ADARB2: variants seen among roughly 807,000 people sequenced by gnomAD.
The protein encoded by ADARB2 is adenosine deaminase RNA specific B2 (inactive), also known as inactive double-stranded RNA-specific editase B2.
ADARB2 carries 25 observed loss-of-function variants against 62.2 expected under a neutral mutation model. The observed-to-expected ratio is 0.40, with a 90% confidence interval of 0.29 to 0.56. The LOEUF (loss-of-function observed/expected upper bound fraction) is 0.56. Among genes scored for constraint, ADARB2 ranks in the 20% least tolerant of loss-of-function variants. The pLI, the probability that ADARB2 is intolerant of heterozygous loss-of-function variation, is 0.43. For missense variants in ADARB2, 1,071 were observed against 1,077.4 expected (o/e 0.99, Z 0.08); for synonymous variants, 572 against 500.8 (o/e 1.14, Z -1.90).
At chr10:1,709,772 A>G (rs1834929449) in intron 1 of ADARB2, among the ~76,000 whole-genome samples, 1 of 152,186 alleles carries the variant, frequency 6.6e-6, no homozygotes, top group Non-Finnish European at 1.5e-5. Context: ...TGGCACGTCA[A>G]CACACCCCTC....
At chr10:1,637,498 T>A (rs1052633850) in intron 1 of ADARB2, among the ~76,000 whole-genome samples, 2 of 152,222 alleles carry the variant, frequency 1.3e-5, no homozygotes, top group Non-Finnish European at 2.9e-5. Context: ...ATGATTACCC[T>A]CAATGCAGAA....
chr10:1,724,131 C>T (rs1021441666), intron 1 of ADARB2, among the ~76,000 whole-genome samples: 2 of 152,068 alleles, frequency 1.3e-5, no homozygotes, highest in African/African-American at 2.4e-5. Context: ...TAAAGAGGTG[C>T]GCAAGGTAAA....
intron 1 of ADARB2, among the ~76,000 whole-genome samples, chr10:1,430,256 T>C (rs762918630): frequency 6.6e-6 from 1 of 152,070 alleles, no homozygotes; most frequent in Non-Finnish European, 1.5e-5. Context: ...TACTAAAAAA[T>C]TGTGAATAAA....
chr10:1,217,842 C>T (rs1830646113), intron 6 of ADARB2, among the ~76,000 whole-genome samples: 2 of 152,108 alleles, frequency 1.3e-5, no homozygotes. Flanking sequence ...CAAGGGTCGC[C>T]ATGGGCAGGA....
intron 3 of ADARB2, among the ~76,000 whole-genome samples, chr10:1,345,151 G>A (rs1390062246): frequency 6.6e-6 from 1 of 152,050 alleles, no homozygotes; most frequent in East Asian, 1.9e-4. Context: ...GGGTGAGGAT[G>A]CTTCACTCTT....
intron 1 of ADARB2, among the ~76,000 whole-genome samples, chr10:1,568,268 G>A (rs1832883489): frequency 6.6e-6 from 1 of 152,170 alleles, no homozygotes; most frequent in African/African-American, 2.4e-5. Context: ...GATGGAGCTT[G>A]GGACCACGGC....
intron 1 of ADARB2, among the ~76,000 whole-genome samples, chr10:1,625,043 TTTTTC>T (rs1833749667): frequency 6.6e-6 from 1 of 152,236 alleles, no homozygotes; most frequent in South Asian, 2.1e-4. Flanking sequence ...TAGCTAAAGA[TTTTTC>T]TTTTAACTGT....
chr10:1,246,103 T>G (rs1246230705), intron 4 of ADARB2, among the ~76,000 whole-genome samples: 2 of 152,068 alleles, frequency 1.3e-5, no homozygotes, highest in Non-Finnish European at 2.9e-5. Flanking sequence ...GATGAGCATT[T>G]TTTCATGTGT....
At chr10:1,600,041 G>A (rs558246530) in intron 1 of ADARB2, among the ~76,000 whole-genome samples, 9 of 152,224 alleles carry the variant, frequency 5.9e-5, no homozygotes, top group Admixed American at 2.0e-4. Flanking sequence ...CACTGTGCCC[G>A]GCCTGTGAAA....
intron 1 of ADARB2, among the ~76,000 whole-genome samples, chr10:1,427,933 T>C (rs1832905307): frequency 6.6e-6 from 1 of 151,844 alleles, no homozygotes; most frequent in Non-Finnish European, 1.5e-5. Flanking sequence ...ATAAATCTCC[T>C]GGGAATCATG....
chr10:1,466,043 T>C (rs1831251261), intron 1 of ADARB2, among the ~76,000 whole-genome samples: 1 of 152,250 alleles, frequency 6.6e-6, no homozygotes, highest in African/African-American at 2.4e-5. Context: ...AACCGAAGGC[T>C]CTCAGTTGCC....
intron 1 of ADARB2, among the ~76,000 whole-genome samples, chr10:1,656,308 T>C (rs1466615878): frequency 6.6e-6 from 1 of 152,238 alleles, no homozygotes; most frequent in African/African-American, 2.4e-5. Flanking sequence ...TAGGGACTCA[T>C]GGCGTCTCCT....
At chr10:1,196,820 T>G (rs1488481333) in intron 8 of ADARB2, among the ~76,000 whole-genome samples, 1 of 152,208 alleles carries the variant, frequency 6.6e-6, no homozygotes, top group Non-Finnish European at 1.5e-5. Context: ...CAGGCTGGTC[T>G]CAAACTCCTG....
intron 3 of ADARB2, among the ~76,000 whole-genome samples, chr10:1,329,802 G>A (rs1056840169): frequency 2.0e-5 from 3 of 152,124 alleles, no homozygotes; most frequent in Admixed American, 6.5e-5. Context: ...GGACAGAAGC[G>A]TTTGTAAGAG....
At chr10:1,604,924 G>A (rs760569436) in intron 1 of ADARB2, among the ~76,000 whole-genome samples, 2 of 152,266 alleles carry the variant, frequency 1.3e-5, no homozygotes, top group Non-Finnish European at 2.9e-5. Flanking sequence ...TGACGGAGAT[G>A]CATACTATAG....
intron 1 of ADARB2, among the ~76,000 whole-genome samples, chr10:1,581,252 G>A (rs1833093215): frequency 6.6e-6 from 1 of 152,254 alleles, no homozygotes; most frequent in South Asian, 2.1e-4. Context: ...CTGTTGTGAG[G>A]CTTAAACCCA....
chr10:1,691,700 C>T (rs1017669702), intron 1 of ADARB2, among the ~76,000 whole-genome samples: 8 of 152,308 alleles, frequency 5.3e-5, no homozygotes, highest in African/African-American at 1.4e-4. Flanking sequence ...TCCCTGTGTG[C>T]TCACTGGGGC....
chr10:1,661,943 G>A (rs1037194084), intron 1 of ADARB2, among the ~76,000 whole-genome samples: 2 of 152,148 alleles, frequency 1.3e-5, no homozygotes. Flanking sequence ...CTGAAGAAAG[G>A]GAAATGCAGG....
chr10:1,490,495 C>T (rs1275089836), intron 1 of ADARB2, among the ~76,000 whole-genome samples: 3 of 152,106 alleles, frequency 2.0e-5, no homozygotes, highest in Non-Finnish European at 4.4e-5. Flanking sequence ...CGCTCTGTGG[C>T]CCAGGCTGGA....
Sources: allele counts gnomAD v4.1 joint callset (sites outside exome capture counted in the v4.1 genomes callset), GRCh38; gene constraint gnomAD v4.1.1; transcripts MANE v1.5; gene names NCBI Gene and HGNC (gene_info 2026-07-23, HGNC 2026-07-21).